ENTREP1: variants seen among roughly 807,000 people sequenced by gnomAD.
The protein encoded by ENTREP1 is endosomal transmembrane epsin interactor 1.
At chr9:69,324,748 C>T in the ENTREP1 span, 1 of 985,706 alleles carries the variant, frequency 1.0e-6, no homozygotes, top group Non-Finnish European at 1.2e-6. Context: ...AGGCATCCCC[C>T]TCCTTGGGCA....
the ENTREP1 span, among the ~76,000 whole-genome samples, chr9:69,335,090 G>T: frequency 3.9e-5 from 6 of 151,984 alleles, no homozygotes; most frequent in African/African-American, 1.4e-4. Context: ...TTTTTAGCTC[G>T]TTTTTTATTG....
the ENTREP1 span, among the ~76,000 whole-genome samples, chr9:69,357,972 C>G: frequency 6.6e-6 from 1 of 152,156 alleles, no homozygotes; most frequent in East Asian, 1.9e-4. Context: ...TTAACTGTCA[C>G]GGGTCCTGTG....
chr9:69,362,049 T>G, the ENTREP1 span, among the ~76,000 whole-genome samples: 1 of 152,182 alleles, frequency 6.6e-6, no homozygotes, highest in African/African-American at 2.4e-5. Context: ...AACCTATTAG[T>G]GAATAGGTTT....
the ENTREP1 span, among the ~76,000 whole-genome samples, chr9:69,331,672 T>C: frequency 6.6e-6 from 1 of 152,170 alleles, no homozygotes. Flanking sequence ...GCACAGGGGA[T>C]GAAAAGTGTG....
chr9:69,365,116 T>C, the ENTREP1 span, among the ~76,000 whole-genome samples: 2 of 152,204 alleles, frequency 1.3e-5, no homozygotes, highest in Non-Finnish European at 2.9e-5. Context: ...TACAGTCCTG[T>C]TCCAGATTGC....
the ENTREP1 span, among the ~76,000 whole-genome samples, chr9:69,361,264 C>A: frequency 1.3e-5 from 2 of 152,096 alleles, no homozygotes; most frequent in African/African-American, 4.8e-5. Flanking sequence ...TGTAAAGTTT[C>A]CTTATGCCTC....
At chr9:69,342,395 A>G in the ENTREP1 span, among the ~76,000 whole-genome samples, 11 of 152,144 alleles carry the variant, frequency 7.2e-5, no homozygotes, top group Admixed American at 6.5e-4. Context: ...CCATTAGCCA[A>G]TCGGTAGCCA....
chr9:69,344,277 G>A, the ENTREP1 span, among the ~76,000 whole-genome samples: 2 of 152,070 alleles, frequency 1.3e-5, no homozygotes, highest in East Asian at 3.9e-4. Flanking sequence ...GTGCGTGTGT[G>A]GTGTGTATGT....
chr9:69,350,933 G>C, the ENTREP1 span, among the ~76,000 whole-genome samples: 2 of 152,070 alleles, frequency 1.3e-5, no homozygotes, highest in Non-Finnish European at 2.9e-5. Flanking sequence ...TTTTCAAAAA[G>C]ATAAAATAAT....
At chr9:69,337,963 G>C in the ENTREP1 span, among the ~76,000 whole-genome samples, 1 of 152,086 alleles carries the variant, frequency 6.6e-6, no homozygotes, top group African/African-American at 2.4e-5. Context: ...TAAATACATA[G>C]AGAAGAAGCA....
chr9:69,375,737 T>C, the ENTREP1 span: 1 of 1,611,486 alleles, frequency 6.2e-7, no homozygotes, highest in Non-Finnish European at 8.5e-7. Flanking sequence ...TCCGTTAAGG[T>C]GGACTTAGGT....
At chr9:69,341,516 G>T in the ENTREP1 span, among the ~76,000 whole-genome samples, 2 of 151,958 alleles carry the variant, frequency 1.3e-5, no homozygotes, top group East Asian at 3.9e-4. Flanking sequence ...GTCCATATAG[G>T]CTAGGTTGGT....
the ENTREP1 span, among the ~76,000 whole-genome samples, chr9:69,345,149 G>A: frequency 2.0e-5 from 3 of 152,168 alleles, no homozygotes; most frequent in Non-Finnish European, 4.4e-5. Context: ...CTCAGCATTG[G>A]TGGGAAGTGT....
the ENTREP1 span, among the ~76,000 whole-genome samples, chr9:69,337,820 A>G: frequency 6.6e-6 from 1 of 152,066 alleles, no homozygotes; most frequent in East Asian, 1.9e-4. Context: ...TCTTATTTTT[A>G]TTTGTCTCAT....
chr9:69,341,319 C>T, the ENTREP1 span, among the ~76,000 whole-genome samples: 1 of 152,144 alleles, frequency 6.6e-6, no homozygotes, highest in Admixed American at 6.5e-5. Context: ...TTATTCCCAA[C>T]TGTGGCTCCT....
the ENTREP1 span, among the ~76,000 whole-genome samples, chr9:69,349,319 T>C: frequency 2.0e-5 from 3 of 152,116 alleles, no homozygotes; most frequent in African/African-American, 7.2e-5. Context: ...CTGATTCATG[T>C]GGTAACTACA....
At chr9:69,374,267 G>A in the ENTREP1 span, among the ~76,000 whole-genome samples, 1 of 151,882 alleles carries the variant, frequency 6.6e-6, no homozygotes, top group South Asian at 2.1e-4. Context: ...TTCTCTTGTT[G>A]ATGGACAGTT....
At chr9:69,344,867 C>T in the ENTREP1 span, among the ~76,000 whole-genome samples, 3 of 152,138 alleles carry the variant, frequency 2.0e-5, no homozygotes, top group Non-Finnish European at 4.4e-5. Context: ...GTTCCTGAGC[C>T]TCGTTCTTGT....
the ENTREP1 span, chr9:69,325,101 G>C: frequency 1.0e-6 from 1 of 985,286 alleles, no homozygotes; most frequent in Non-Finnish European, 1.2e-6. Context: ...AGGCGGACCC[G>C]CCAGGCGGCA....
Sources: gnomAD v4.1 joint callset for allele counts (sites outside exome capture counted in the v4.1 genomes callset) on GRCh38, gnomAD v4.1.1 for gene constraint, MANE v1.5 for transcripts, NCBI Gene and HGNC (gene_info 2026-07-23, HGNC 2026-07-21) for gene names.